Variants in GAS2 observed in about 807,000 individuals in gnomAD.
The protein encoded by GAS2 is growth arrest specific 2.
Under a neutral mutation model 37.5 loss-of-function variants are expected in GAS2, and 20 were observed. That is an observed-to-expected ratio of 0.53 (90% CI 0.37 to 0.77). The LOEUF (loss-of-function observed/expected upper bound fraction) is 0.77, where lower values mean the gene tolerates loss of function less well. GAS2 is among the 30% of genes least tolerant of loss of function. The probability of loss-of-function intolerance (pLI) is 0.00; values close to 1 mark genes in which losing one functional copy is unlikely to be tolerated. For synonymous variants in GAS2, 144 were observed against 132.2 expected (o/e 1.09, Z -0.61); for missense variants, 336 against 373.4 (o/e 0.90, Z 0.82).
chr11:22,738,939 A>T (rs1383400690), intron 5 of GAS2, among the ~76,000 whole-genome samples: 2 of 152,136 alleles, frequency 1.3e-5, no homozygotes, highest in Non-Finnish European at 2.9e-5. Context: ...AACATGGAGT[A>T]AAAAAACAAT....
intron 1 of GAS2, among the ~76,000 whole-genome samples, chr11:22,628,798 T>C (rs1157368659): frequency 2.0e-5 from 3 of 152,132 alleles, no homozygotes; most frequent in African/African-American, 7.2e-5. Context: ...CCTCCCCTGC[T>C]TCCAAGTTTC....
At chr11:22,689,356 T>C (rs578049044) in intron 3 of GAS2, among the ~76,000 whole-genome samples, 7 of 152,228 alleles carry the variant, frequency 4.6e-5, no homozygotes, top group Non-Finnish European at 1.0e-4. Context: ...GAGGTAAAAG[T>C]TGACACAGTT....
chr11:22,804,955 C>CT (rs1856819804), intron 7 of GAS2, among the ~76,000 whole-genome samples: 1 of 152,108 alleles, frequency 6.6e-6, no homozygotes. Flanking sequence ...ACCAGCTCAG[C>CT]ATCTGTGCTG....
intron 1 of GAS2, among the ~76,000 whole-genome samples, chr11:22,637,634 T>G (rs1413826046): frequency 7.5e-6 from 1 of 133,784 alleles, no homozygotes; most frequent in Non-Finnish European, 1.5e-5. Context: ...ATATTTAATA[T>G]AAATATTTAT....
intron 7 of GAS2, among the ~76,000 whole-genome samples, chr11:22,763,624 C>A (rs756103540): frequency 5.8e-5 from 1 of 17,368 alleles, no homozygotes; most frequent in Non-Finnish European, 1.7e-4. Flanking sequence ...CATACACACA[C>A]ACACACACAC....
chr11:22,629,315 C>A (rs1858712936), intron 1 of GAS2, among the ~76,000 whole-genome samples: 1 of 152,166 alleles, frequency 6.6e-6, no homozygotes, highest in South Asian at 2.1e-4. Context: ...CTTTTCACCA[C>A]ATCCGTGCCA....
chr11:22,636,172 A>G (rs1858818753), intron 1 of GAS2, among the ~76,000 whole-genome samples: 1 of 152,090 alleles, frequency 6.6e-6, no homozygotes, highest in Non-Finnish European at 1.5e-5. Context: ...AGAAAAGTTC[A>G]CAGCATGAAT....
intron 3 of GAS2, among the ~76,000 whole-genome samples, chr11:22,703,075 C>A (rs1231625272): frequency 1.3e-5 from 2 of 151,996 alleles, no homozygotes; most frequent in African/African-American, 4.8e-5. Context: ...AGAAGAAGAG[C>A]AAATTCTGGA....
chr11:22,760,260 C>T (rs1854309063), intron 7 of GAS2, among the ~76,000 whole-genome samples: 1 of 152,030 alleles, frequency 6.6e-6, no homozygotes, highest in African/African-American at 2.4e-5. Context: ...GGATTACAGG[C>T]ATGAGCCACC....
chr11:22,772,158 T>C (rs1055715611), intron 7 of GAS2, among the ~76,000 whole-genome samples: 1 of 152,152 alleles, frequency 6.6e-6, no homozygotes, highest in Non-Finnish European at 1.5e-5. Flanking sequence ...TATAGACTTA[T>C]GAAGCAAGTT....
chr11:22,750,721 G>A (rs1194063481), intron 6 of GAS2, among the ~76,000 whole-genome samples: 1 of 151,880 alleles, frequency 6.6e-6, no homozygotes, highest in African/African-American at 2.4e-5. Context: ...TTTCTTCTGT[G>A]TCAATTATAC....
At chr11:22,762,477 T>C (rs547542243) in intron 7 of GAS2, among the ~76,000 whole-genome samples, 7 of 152,258 alleles carry the variant, frequency 4.6e-5, no homozygotes, top group Middle Eastern at 3.4e-3. Context: ...GCCAAACCTA[T>C]AACACATTCC....
At chr11:22,782,941 AT>A (rs1855635954) in intron 7 of GAS2, among the ~76,000 whole-genome samples, 2 of 151,820 alleles carry the variant, frequency 1.3e-5, no homozygotes. Flanking sequence ...AGAATGATTT[AT>A]TTTCCTTTAG....
chr11:22,798,926 A>G (rs1333587334), intron 7 of GAS2, among the ~76,000 whole-genome samples: 1 of 152,102 alleles, frequency 6.6e-6, no homozygotes, highest in African/African-American at 2.4e-5. Flanking sequence ...TCAGAATAAT[A>G]TTAGACAATG....
intron 7 of GAS2, among the ~76,000 whole-genome samples, chr11:22,757,415 T>A (rs1157873139): frequency 2.6e-5 from 4 of 152,160 alleles, no homozygotes; most frequent in Non-Finnish European, 1.5e-5. Flanking sequence ...TTTGCTGTAC[T>A]GAAAAAATTG....
At chr11:22,627,561 G>A (rs1858679863) in intron 1 of GAS2, among the ~76,000 whole-genome samples, 1 of 152,158 alleles carries the variant, frequency 6.6e-6, no homozygotes, top group Admixed American at 6.5e-5. Context: ...CTGGGGTCAG[G>A]AGTTCCAGAC....
intron 4 of GAS2, among the ~76,000 whole-genome samples, chr11:22,735,224 CTTTTTTTTTTT>C (rs397750049): frequency 9.2e-6 from 1 of 109,208 alleles, no homozygotes; most frequent in South Asian, 2.9e-4. Flanking sequence ...ACCAATCATT[CTTTTTTTTTTT>C]TTTTTTTTTG....
chr11:22,718,661 A>AAAT (rs921524555), intron 3 of GAS2, among the ~76,000 whole-genome samples: 22 of 151,666 alleles, frequency 1.5e-4, no homozygotes, highest in South Asian at 8.3e-4. Flanking sequence ...AAAACTATTG[A>AAAT]AATAATAATA....
At chr11:22,777,790 C>G (rs1439762654) in intron 7 of GAS2, among the ~76,000 whole-genome samples, 1 of 152,114 alleles carries the variant, frequency 6.6e-6, no homozygotes, top group African/African-American at 2.4e-5. Flanking sequence ...AACCTGAAGG[C>G]ATTACACGGC....
Sources: allele counts gnomAD v4.1 joint callset (sites outside exome capture counted in the v4.1 genomes callset), GRCh38; gene constraint gnomAD v4.1.1; transcripts MANE v1.5; gene names NCBI Gene and HGNC (gene_info 2026-07-23, HGNC 2026-07-21).